Variants in AGO3 observed in about 807,000 individuals in gnomAD.
The protein encoded by AGO3 is argonaute RISC catalytic component 3.
In AGO3, 16 loss-of-function variants were observed where a neutral mutation model predicts 105.5. That is an observed-to-expected ratio of 0.15 (90% CI 0.10 to 0.23). AGO3 has a LOEUF of 0.23. Among genes scored for constraint, AGO3 ranks in the 10% least tolerant of loss-of-function variants. AGO3 has a pLI of 1.00. For missense variants in AGO3, 534 were observed against 1,088.0 expected (o/e 0.49, Z 7.16); for synonymous variants, 340 against 367.3 (o/e 0.93, Z 0.85).
In AGO3 at chr1:36,064,046, A is replaced by G. The variant is rs904462835; in HGVS notation, c.*8301A>G. On this transcript the variant is annotated 3_prime_UTR_variant, in exon 19 of 19. Transcript: ENST00000373191. The stretch of plus-strand genomic sequence containing the variant: ...CAGCCATGAGCCACTGCATCTGGCC[A>G]AGATCAAGATTATGGATATTGGTAT... The G allele has an allele frequency of 5.3e-5, 8 of 152,176 alleles. No individual in the cohort carries two copies. The highest frequency in any genetic ancestry group is 3.9e-4 in the East Asian group (2 of 5,190). 9.4% of individuals were successfully genotyped at this position (152,176 alleles called of 1,614,324 possible). A position where few individuals can be genotyped will look rare whatever the true frequency, so the allele number is the denominator to read the frequency against.
chr1:36,017,455 A>G (rs1007511236), intron 11 of AGO3, among the ~76,000 whole-genome samples: 1 of 152,190 alleles, frequency 6.6e-6, no homozygotes, highest in South Asian at 2.1e-4. Context: ...ATCTAGAGCA[A>G]TTCTATTATC....
chr1:35,943,691 C>T (rs1258474921), intron 1 of AGO3, among the ~76,000 whole-genome samples: 1 of 151,244 alleles, frequency 6.6e-6, no homozygotes, highest in Admixed American at 6.6e-5. Context: ...GTAACCTCCA[C>T]CTCCGGGGCT....
In AGO3 at chr1:36,055,338, GT is replaced by G; in HGVS notation, c.2474+197del. On this transcript the variant is annotated intron_variant, in intron 18 of 18. Transcript: ENST00000373191. This position sits in a 1 kb window ranked among gnomAD's most constrained non-coding sequence, Gnocchi z 4.4. ...AATAGAATCATGTAGTAACTTAGTT[GT>G]TTTACTACATTAATTCAAAGGAGAG... is the stretch of plus-strand genomic sequence containing the variant. 2 of 634,300 alleles carry G rather than the reference GT, an allele frequency of 3.2e-6. No homozygotes were observed. Among genetic ancestry groups the G allele is most frequent in the Non-Finnish European group, 5.4e-6 (2 of 368,312 alleles). The allele number at this position is 634,300 out of a possible 1,614,324, so 39.3% of individuals were successfully genotyped here. A position where few individuals can be genotyped will look rare whatever the true frequency, so the allele number is the denominator to read the frequency against.
chr1:36,038,312 TG>T (rs577024909), intron 14 of AGO3, among the ~76,000 whole-genome samples: 195 of 142,480 alleles, frequency 1.4e-3, no homozygotes, highest in Non-Finnish European at 2.4e-3. Context: ...TGGAATGCAG[TG>T]GGCGCGATCT....
intron 12 of AGO3, among the ~76,000 whole-genome samples, chr1:36,030,716 A>C (rs1641735175): frequency 6.6e-6 from 1 of 152,150 alleles, no homozygotes; most frequent in Non-Finnish European, 1.5e-5. Context: ...CCTGGCCTCA[A>C]GTCATCCTCC....
chr1:36,051,836 C>T (rs945291815), intron 17 of AGO3, among the ~76,000 whole-genome samples: 4 of 152,056 alleles, frequency 2.6e-5, no homozygotes, highest in African/African-American at 9.7e-5. Context: ...TGAAAAAATG[C>T]TCAACATCAA....
rs1643099041 is a variant in AGO3, at chr1:36,066,714, CTG to C, written c.*10970_*10971del. 2.0e-5 allele frequency: 3 copies of C among 152,110 alleles called. No homozygotes were observed. The highest frequency in any genetic ancestry group is 4.4e-5 in the Non-Finnish European group (3 of 68,032). 9.4% of individuals were successfully genotyped at this position (152,110 alleles called of 1,614,324 possible). On this transcript the variant is annotated 3_prime_UTR_variant, in exon 19 of 19. Coordinates refer to ENST00000373191, the MANE Select transcript of AGO3 (RefSeq NM_024852.4). Reference sequence around the variant, plus strand: ...CTTTTTAGAACCAAAGAAGGAAAGACTGCAAAAATGTTGCATACGTGACTCTT... The same window carrying C: ...CTTTTTAGAACCAAAGAAGGAAAGACCAAAAATGTTGCATACGTGACTCTT...
intron 5 of AGO3, among the ~76,000 whole-genome samples, chr1:35,980,575 T>C (rs959026332): frequency 3.3e-5 from 5 of 152,264 alleles, no homozygotes; most frequent in Non-Finnish European, 7.3e-5. Flanking sequence ...GCCTGAGTTA[T>C]CTGTAGCCTT....
At position 36,027,331 on chromosome 1, in the gene AGO3, A is replaced by G. The variant is rs746550929; in HGVS notation, c.1591+33A>G. ...TATCTTAAGACTGCATTTTTCCTCA[A>G]GTACTTGATGTCCTTTTAGGATTAT... On this transcript the variant is annotated intron_variant, in intron 12 of 18. Transcript: ENST00000373191. This position sits in a 1 kb window ranked among gnomAD's most constrained non-coding sequence, Gnocchi z 4.0. The G allele has an allele frequency of 2.2e-5, 34 of 1,551,508 alleles. No homozygotes were observed. In the African/African-American group the frequency reaches 3.0e-4, roughly 14 times the overall value.
At chr1:36,004,902 C>T (rs187329563) in intron 6 of AGO3, among the ~76,000 whole-genome samples, 3 of 152,100 alleles carry the variant, frequency 2.0e-5, no homozygotes, top group Non-Finnish European at 2.9e-5. Flanking sequence ...CCTTTAAAAA[C>T]GTATAAATGT....
intron 14 of AGO3, among the ~76,000 whole-genome samples, 193 bp downstream of exon 14, chr1:36,036,460 G>C (rs559743303): frequency 6.6e-6 from 1 of 152,150 alleles, no homozygotes; most frequent in Admixed American, 6.6e-5. Flanking sequence ...AAGTTTGCTA[G>C]TTATATTATT....
chr1:36,031,141 G>C (rs1301193611), intron 12 of AGO3, among the ~76,000 whole-genome samples: 1 of 151,940 alleles, frequency 6.6e-6, no homozygotes, highest in African/African-American at 2.4e-5. Flanking sequence ...TTATTTATTT[G>C]CTGACCTTCA....
At chr1:36,031,246 A>G (rs1641759838) in intron 12 of AGO3, among the ~76,000 whole-genome samples, 1 of 151,902 alleles carries the variant, frequency 6.6e-6, no homozygotes, top group African/African-American at 2.4e-5. Flanking sequence ...GCATGACCAT[A>G]GTGCACTGCA....
In AGO3 at chr1:36,064,936, A is replaced by G. The variant is rs1303610760; in HGVS notation, c.*9191A>G. On this transcript the variant is annotated 3_prime_UTR_variant, in exon 19 of 19. Coordinates refer to ENST00000373191, the MANE Select transcript of AGO3 (RefSeq NM_024852.4). The stretch of plus-strand genomic sequence containing the variant: ...TCCCAGCACTTTGGGTGGGCGGCTG[A>G]GGCGGGCGGATCACGAGGTCAGGAG... The G allele has an allele frequency of 2.0e-5, 3 of 152,034 alleles. No homozygotes were observed. Among genetic ancestry groups the G allele is most frequent in the African/African-American group, 4.8e-5 (2 of 41,398 alleles). 9.4% of individuals were successfully genotyped at this position (152,034 alleles called of 1,614,324 possible). A position where few individuals can be genotyped will look rare whatever the true frequency, so the allele number is the denominator to read the frequency against.
At chr1:36,041,264 CG>C (rs1434411185) in intron 16 of AGO3, among the ~76,000 whole-genome samples, 5 of 102,344 alleles carry the variant, frequency 4.9e-5, no homozygotes, top group Admixed American at 1.5e-4. Flanking sequence ...TTTTTTGAGA[CG>C]GAGTCTCACT....
rs914391868 is a variant in AGO3 at position 35,962,964 on chromosome 1, G to A, written c.192-3991G>A. ...TTAAAACATGCTTTTAGTTTATACC[G>A]ATTAGGCTAACAAAAATTAGAAAGC... On this transcript the variant is annotated intron_variant, in intron 2 of 18. Coordinates refer to ENST00000373191, the MANE Select transcript of AGO3 (RefSeq NM_024852.4). 4.6e-5 allele frequency among the ~76,000 whole-genome samples: 7 copies of A among 152,228 alleles called. No individual in the cohort carries two copies. The South Asian group carries it at 1.5e-3, about 32-fold the overall frequency.
At chr1:35,947,343 A>C (rs1646385563) in intron 2 of AGO3, among the ~76,000 whole-genome samples, 1 of 151,940 alleles carries the variant, frequency 6.6e-6, no homozygotes, top group African/African-American at 2.4e-5. Flanking sequence ...CCTCTTTCCT[A>C]AACTTCAGAT....
At chr1:35,940,392 C>T (rs536388918) in intron 1 of AGO3, among the ~76,000 whole-genome samples, 1 of 152,242 alleles carries the variant, frequency 6.6e-6, no homozygotes, top group South Asian at 2.1e-4. Context: ...ATTCAAAATC[C>T]AAATAAGTTC....
chr1:36,030,930 T>A (rs1448649699), intron 12 of AGO3, among the ~76,000 whole-genome samples: 2 of 152,368 alleles, frequency 1.3e-5, no homozygotes, highest in Admixed American at 1.3e-4. Flanking sequence ...TAGGTAACAT[T>A]ATACCACTTC....
Sources: gnomAD v4.1 joint callset for allele counts (sites outside exome capture counted in the v4.1 genomes callset) on GRCh38, gnomAD v4.1.1 for gene constraint, Gnocchi (gnomAD v3.1) non-coding constraint, MANE v1.5 for transcripts, NCBI Gene and HGNC (gene_info 2026-07-23, HGNC 2026-07-21) for gene names.